Variants in ATG2B observed in about 807,000 individuals in gnomAD.
ATG2B encodes autophagy related 2B.
Under a neutral mutation model 241.3 loss-of-function variants are expected in ATG2B, and 121 were observed. That is an observed-to-expected ratio of 0.50 (90% CI 0.43 to 0.58). The LOEUF is 0.58. ATG2B is among the 20% of genes least tolerant of loss of function. The pLI is 0.00. For missense variants in ATG2B, 2,306 were observed against 2,491.6 expected (o/e 0.93, Z 1.59); for synonymous variants, 858 against 876.6 (o/e 0.98, Z 0.37).
chr14:96,339,785 T>C (rs1887963632), intron 6 of ATG2B, among the ~76,000 whole-genome samples: 1 of 151,744 alleles, frequency 6.6e-6, no homozygotes, highest in Admixed American at 6.6e-5. Context: ...CGTACACTGC[T>C]CAGGTGACAA....
At position 96,285,565 on chromosome 14, in the gene ATG2B, G is replaced by A. The variant is rs1467401724; in HGVS notation, c.*190C>T. ...CACCAGCCACCAAACATTTCTATAG[G>A]CAAGTATCAACTATAAATGTCAGAA... On this transcript the variant is annotated 3_prime_UTR_variant, in exon 42 of 42. Coordinates refer to ENST00000359933, the MANE Select transcript of ATG2B (RefSeq NM_018036.7). The surrounding 1 kb of genome is among the most constrained non-coding windows in gnomAD (Gnocchi z 4.2). 6.6e-6 allele frequency: 4 copies of A among 601,666 alleles called. No homozygotes were observed. Among genetic ancestry groups the A allele is most frequent in the Non-Finnish European group, 8.8e-6 (3 of 341,368 alleles). 37.3% of individuals were successfully genotyped at this position (601,666 alleles called of 1,614,324 possible). A position where few individuals can be genotyped will look rare whatever the true frequency, so the allele number is the denominator to read the frequency against.
chr14:96,328,861 A>T, intron 12 of ATG2B, 95 bp from the exon 13 acceptor site: 1 of 938,392 alleles, frequency 1.1e-6, no homozygotes, highest in Non-Finnish European at 1.6e-6. Context: ...TGAAGTCAGA[A>T]ATCTGGTTTT....
intron 34 of ATG2B, among the ~76,000 whole-genome samples, chr14:96,297,062 A>G (rs1566715289): frequency 1.3e-5 from 2 of 152,124 alleles, no homozygotes; most frequent in Admixed American, 6.5e-5. Flanking sequence ...ATTGTTCATT[A>G]TATTGTTATG....
intron 34 of ATG2B, among the ~76,000 whole-genome samples, chr14:96,298,473 T>A (rs1014797349): frequency 6.6e-5 from 10 of 152,208 alleles, no homozygotes; most frequent in Non-Finnish European, 1.5e-4. Flanking sequence ...ATAAAAAGAC[T>A]TCTACATAAA....
intron 4 of ATG2B, 71 bp downstream of exon 4, chr14:96,344,583 C>CA: frequency 1.2e-6 from 1 of 803,810 alleles, no homozygotes. Context: ...CTCTAATCTC[C>CA]AAAACCTCCC....
intron 1 of ATG2B, among the ~76,000 whole-genome samples, chr14:96,358,911 T>C (rs536839241): frequency 1.3e-5 from 2 of 152,336 alleles, no homozygotes; most frequent in African/African-American, 4.8e-5. Flanking sequence ...CTTTCAATTA[T>C]CATCAATGAG....
Position 96,285,645 on chromosome 14 carries a change from G to T in ATG2B, c.*110C>A. The T allele has an allele frequency of 9.9e-7, 1 of 1,007,024 alleles. No individual in the cohort carries two copies. The highest frequency in any genetic ancestry group is 1.5e-6 in the Non-Finnish European group (1 of 679,986). 62.4% of individuals were successfully genotyped at this position (1,007,024 alleles called of 1,614,324 possible). A position where few individuals can be genotyped will look rare whatever the true frequency, so the allele number is the denominator to read the frequency against. Reference sequence around the variant, plus strand: ...AATTATTTAACTAAAAAATGCTTTTGTTCCTGAGATGAGCACAATAAAATT... The same window carrying T: ...AATTATTTAACTAAAAAATGCTTTTTTTCCTGAGATGAGCACAATAAAATT... On this transcript the variant is annotated 3_prime_UTR_variant, in exon 42 of 42. Coordinates refer to ENST00000359933, the MANE Select transcript of ATG2B (RefSeq NM_018036.7). This position sits in a 1 kb window ranked among gnomAD's most constrained non-coding sequence, Gnocchi z 4.2.
At chr14:96,304,625 A>AC (rs765925665) in intron 31 of ATG2B, 22 bp from the exon 32 acceptor site, 13 of 1,544,072 alleles carry the variant, frequency 8.4e-6, no homozygotes, top group South Asian at 1.2e-5. Context: ...CAAAAAAAAA[A>AC]AAAACCCTTT....
chr14:96,351,478 GTA>G (rs1475042435), intron 1 of ATG2B, among the ~76,000 whole-genome samples: 2 of 152,138 alleles, frequency 1.3e-5, no homozygotes, highest in Admixed American at 6.5e-5. Context: ...GCTCAAGCCT[GTA>G]ATCTCAGCAC....
chr14:96,337,147 C>T (rs148017518), intron 6 of ATG2B, among the ~76,000 whole-genome samples: 1 of 152,280 alleles, frequency 6.6e-6, no homozygotes, highest in East Asian at 1.9e-4. Context: ...GTATCTGATT[C>T]ATCTTTGCAT....
Position 96,312,079 on chromosome 14 carries a change from T to C in ATG2B, c.3913+10A>G, listed in dbSNP as rs749007531. 1.2e-5 allele frequency: 19 copies of C among 1,600,926 alleles called. No individual in the cohort carries two copies. The highest frequency in any genetic ancestry group is 1.6e-5 in the Non-Finnish European group (19 of 1,171,708). On this transcript the variant is annotated intron_variant, in intron 26 of 41. Transcript: ENST00000359933. ...GAATTTATCTACTCCATTTGTTTTT[T>C]AACTCTTACCTCTACTCAGATTTAT...
At chr14:96,359,710 C>T (rs1888573435) in intron 1 of ATG2B, among the ~76,000 whole-genome samples, 1 of 152,138 alleles carries the variant, frequency 6.6e-6, no homozygotes, top group South Asian at 2.1e-4. Flanking sequence ...CAGTCTATTC[C>T]AATGATGGAA....
Position 96,282,075 on chromosome 14 carries a change from G to T in ATG2B, c.*3680C>A, listed in dbSNP as rs1041429732. ...TGATCCTGAAATGTTGAGATAAAAA[G>T]AAGTTGGCATTAAAGCACTATTTGT... On this transcript the variant is annotated 3_prime_UTR_variant, in exon 42 of 42. Coordinates refer to ENST00000359933, the MANE Select transcript of ATG2B (RefSeq NM_018036.7). The T allele has an allele frequency of 6.6e-6, 1 of 152,208 alleles. No homozygotes were observed. Among genetic ancestry groups the T allele is most frequent in the African/African-American group, 2.4e-5 (1 of 41,458 alleles). 9.4% of individuals were successfully genotyped at this position (152,208 alleles called of 1,614,324 possible).
Position 96,304,488 on chromosome 14 carries a change from A to G in ATG2B, c.4842+7T>C. The G allele has an allele frequency of 6.2e-7, 1 of 1,607,862 alleles. No homozygotes were observed. The highest frequency in any genetic ancestry group is 8.5e-7 in the Non-Finnish European group (1 of 1,175,534). On this transcript the variant is annotated splice_region_variant and intron_variant, in intron 32 of 41. Transcript: ENST00000359933. ...TAAGTGGATTTTTCCTTCAAATGCC[A>G]TCTTACCTTGCTTAGCTGTATTTCC...
chr14:96,351,914 A>AAG (rs1888334072), intron 1 of ATG2B, among the ~76,000 whole-genome samples: 1 of 151,398 alleles, frequency 6.6e-6, no homozygotes, highest in Non-Finnish European at 1.5e-5. Flanking sequence ...AAAAAAAAAA[A>AAG]AGAAAAAAAA....
In ATG2B at chr14:96,311,102, C is replaced by T. The variant is rs368251797; in HGVS notation, c.4161+15G>A. ...GACATGGCAGGGACTGGAGGAATCACATTGCTGACTGTACCTTAGACCTTC... is the reference window on the plus strand; with the variant it reads ...GACATGGCAGGGACTGGAGGAATCATATTGCTGACTGTACCTTAGACCTTC... On this transcript the variant is annotated intron_variant, in intron 28 of 41. Coordinates refer to ENST00000359933, the MANE Select transcript of ATG2B (RefSeq NM_018036.7). The T allele has an allele frequency of 5.0e-6, 8 of 1,595,872 alleles. No homozygotes were observed. The highest frequency in any genetic ancestry group is 1.3e-5 in the African/African-American group (1 of 74,236).
At chr14:96,326,354 T>C (rs1887588274) in intron 14 of ATG2B, among the ~76,000 whole-genome samples, 1 of 152,216 alleles carries the variant, frequency 6.6e-6, no homozygotes, top group South Asian at 2.1e-4. Flanking sequence ...TGAAATCAGA[T>C]GAATTATGCC....
chr14:96,285,580 A>C lies in ATG2B; in HGVS notation c.*175T>G, dbSNP rs1886311930. ...ATTTCTATAGGCAAGTATCAACTATAAATGTCAGAAGTTTTTGGTTGCATG... is the reference window on the plus strand; with the variant it reads ...ATTTCTATAGGCAAGTATCAACTATCAATGTCAGAAGTTTTTGGTTGCATG... On this transcript the variant is annotated 3_prime_UTR_variant, in exon 42 of 42. Coordinates refer to ENST00000359933, the MANE Select transcript of ATG2B (RefSeq NM_018036.7). The surrounding 1 kb of genome is among the most constrained non-coding windows in gnomAD (Gnocchi z 4.2). 1 of 626,632 alleles carries C rather than the reference A, an allele frequency of 1.6e-6. No homozygotes were observed. The highest frequency in any genetic ancestry group is 1.8e-5 in the African/African-American group (1 of 54,294). The allele number at this position is 626,632 out of a possible 1,614,324, so 38.8% of individuals were successfully genotyped here. A position where few individuals can be genotyped will look rare whatever the true frequency, so the allele number is the denominator to read the frequency against.
chr14:96,333,982 T>G, intron 7 of ATG2B, 109 bp from the exon 8 acceptor site: 1 of 887,122 alleles, frequency 1.1e-6, no homozygotes, highest in Non-Finnish European at 1.8e-6. Flanking sequence ...AACACCACAG[T>G]GCAAAACCAC....
Sources: allele counts gnomAD v4.1 joint callset (sites outside exome capture counted in the v4.1 genomes callset), GRCh38; gene constraint gnomAD v4.1.1; non-coding constraint Gnocchi (gnomAD v3.1); transcripts MANE v1.5; gene names NCBI Gene and HGNC (gene_info 2026-07-23, HGNC 2026-07-21).